The following ITPR2 variants were observed in gnomAD, a reference collection of about 807,000 sequenced individuals.
ITPR2 encodes inositol 1,4,5-trisphosphate-gated calcium channel ITPR2.
Under a neutral mutation model 317.1 loss-of-function variants are expected in ITPR2, and 207 were observed. The observed-to-expected ratio is 0.65, with a 90% confidence interval of 0.58 to 0.73. The LOEUF (loss-of-function observed/expected upper bound fraction) is 0.73, where lower values mean the gene tolerates loss of function less well. Among genes scored for constraint, ITPR2 ranks in the 30% least tolerant of loss-of-function variants. The pLI is 0.00. For synonymous variants in ITPR2, 1,156 were observed against 1,149.1 expected, an observed-to-expected ratio of 1.01 and a Z score of -0.12; for missense variants, 2,613 against 3,284.0, an observed-to-expected ratio of 0.80 and a Z score of 4.99.
intron 10 of ITPR2, among the ~76,000 whole-genome samples, chr12:26,688,261 G>A (rs11048650): frequency 2.0e-5 from 3 of 152,008 alleles, no homozygotes; most frequent in South Asian, 2.1e-4. Context: ...GGCTGGTCTC[G>A]AACTCTTGAG....
chr12:26,369,143 T>C (rs747985017), intron 55 of ITPR2, among the ~76,000 whole-genome samples: 1 of 152,148 alleles, frequency 6.6e-6, no homozygotes, highest in Non-Finnish European at 1.5e-5. Context: ...CTGGAGCCTA[T>C]GAATGGGAGG....
At chr12:26,447,961 A>G (rs1466385511) in intron 45 of ITPR2, among the ~76,000 whole-genome samples, 1 of 150,348 alleles carries the variant, frequency 6.7e-6, no homozygotes, top group East Asian at 1.9e-4. Flanking sequence ...TATCTACTCC[A>G]CAGTTTTATA....
At chr12:26,584,597 G>A (rs1263954399) in intron 32 of ITPR2, among the ~76,000 whole-genome samples, 1 of 152,120 alleles carries the variant, frequency 6.6e-6, no homozygotes, top group Admixed American at 6.5e-5. Context: ...CGGTCCTACA[G>A]AACTTCCTAT....
intron 21 of ITPR2, among the ~76,000 whole-genome samples, chr12:26,634,746 G>T (rs757617447): frequency 1.3e-5 from 2 of 151,870 alleles, no homozygotes; most frequent in South Asian, 2.1e-4. Flanking sequence ...CTAGCCGGGC[G>T]TGCTTGTGGG....
chr12:26,567,950 T>TG (rs1230823190), intron 34 of ITPR2, among the ~76,000 whole-genome samples: 1 of 112,210 alleles, frequency 8.9e-6, no homozygotes. Flanking sequence ...TATATATATA[T>TG]TATATATATA....
Position 26,428,001 on chromosome 12 carries a change from C to T in ITPR2, c.6857G>A (p.Gly2286Asp). 2 of 1,612,502 alleles carry T rather than the reference C, an allele frequency of 1.2e-6. No homozygotes were observed. The highest frequency in any genetic ancestry group is 1.7e-6 in the Non-Finnish European group (2 of 1,179,184). Residue 2286 changes from glycine (G) to aspartate (D), a missense_variant, in exon 49 of 57, where the codon GGT becomes GAT. Physicochemically the swap from Gly to Asp is moderately conservative, Grantham distance 94 (BLOSUM62 -1). Transcript: ENST00000381340. ...SMLFFFSKPVGIRPFLVSIML... is the reference protein window; with the variant it reads ...SMLFFFSKPVDIRPFLVSIML... ...TATTGATACAAGAAACGGCCGAATA[C>T]CCACAGGCTTGGAGAAGAAAAACAG... is the stretch of plus-strand genomic sequence containing the variant.
intron 55 of ITPR2, among the ~76,000 whole-genome samples, chr12:26,350,981 C>A (rs1187039222): frequency 1.3e-5 from 2 of 152,186 alleles, no homozygotes; most frequent in Non-Finnish European, 2.9e-5. Flanking sequence ...GAGGGAGTGA[C>A]CCAGGACTGG....
chr12:26,601,857 A>C (rs1393048866), intron 28 of ITPR2, among the ~76,000 whole-genome samples: 1 of 152,188 alleles, frequency 6.6e-6, no homozygotes, highest in Non-Finnish European at 1.5e-5. Flanking sequence ...GTGCACCAAC[A>C]AATAGGAAGC....
At chr12:26,454,049 T>C (rs1055779307) in intron 45 of ITPR2, among the ~76,000 whole-genome samples, 2 of 152,062 alleles carry the variant, frequency 1.3e-5, no homozygotes, top group African/African-American at 4.8e-5. Context: ...GATGGACGGA[T>C]GGATGGATGG....
intron 41 of ITPR2, among the ~76,000 whole-genome samples, chr12:26,485,258 G>A (rs913817313): frequency 1.3e-5 from 2 of 151,972 alleles, no homozygotes. Context: ...ATTATTTAAC[G>A]TGTTTATTTG....
intron 1 of ITPR2, among the ~76,000 whole-genome samples, chr12:26,822,122 A>C (rs1354300616): frequency 1.3e-5 from 2 of 152,200 alleles, no homozygotes; most frequent in Non-Finnish European, 2.9e-5. Context: ...TTCACTAAAA[A>C]TCTAAGTTTT....
intron 55 of ITPR2, among the ~76,000 whole-genome samples, chr12:26,343,055 G>A (rs547365744): frequency 6.6e-5 from 10 of 152,130 alleles, no homozygotes; most frequent in South Asian, 4.2e-4. Flanking sequence ...ATATTTTGAC[G>A]CAGCACAAAA....
At chr12:26,782,508 TA>T (rs753726836) in intron 2 of ITPR2, among the ~76,000 whole-genome samples, 6 of 152,206 alleles carry the variant, frequency 3.9e-5, no homozygotes, top group Non-Finnish European at 5.9e-5. Context: ...AATGTGGCTT[TA>T]TACGACTAAC....
intron 37 of ITPR2, among the ~76,000 whole-genome samples, chr12:26,514,591 C>T (rs992684548): frequency 3.3e-5 from 5 of 152,108 alleles, no homozygotes; most frequent in African/African-American, 7.2e-5. Context: ...TTACATAACC[C>T]GCTACTATCA....
intron 55 of ITPR2, among the ~76,000 whole-genome samples, chr12:26,353,589 A>G (rs1938545834): frequency 6.6e-6 from 1 of 152,244 alleles, no homozygotes; most frequent in African/African-American, 2.4e-5. Flanking sequence ...CTGAGGTTCA[A>G]ATAATACAAC....
intron 45 of ITPR2, among the ~76,000 whole-genome samples, chr12:26,451,365 T>TCTCACACA (rs368381589): frequency 1.5e-5 from 2 of 136,324 alleles, no homozygotes; most frequent in East Asian, 2.1e-4. Context: ...TTCTCTCATA[T>TCTCACACA]CACACACACA....
chr12:26,583,174 T>C (rs559785190), intron 32 of ITPR2, among the ~76,000 whole-genome samples: 1 of 152,304 alleles, frequency 6.6e-6, no homozygotes, highest in South Asian at 2.1e-4. Flanking sequence ...GCTATACCAG[T>C]AAATTATAAT....
chr12:26,586,079 C>A (rs930431339), intron 32 of ITPR2, among the ~76,000 whole-genome samples: 1 of 151,980 alleles, frequency 6.6e-6, no homozygotes, highest in South Asian at 2.1e-4. Context: ...CATATAAGTT[C>A]TTCATGTGAT....
chr12:26,397,361 A>C (rs773747458), intron 54 of ITPR2, among the ~76,000 whole-genome samples: 2 of 151,516 alleles, frequency 1.3e-5, no homozygotes, highest in Non-Finnish European at 2.9e-5. Context: ...TTGATCTGGC[A>C]ACCTCTCCCT....
Sources: gnomAD v4.1 joint callset for allele counts (sites outside exome capture counted in the v4.1 genomes callset) on GRCh38, gnomAD v4.1.1 for gene constraint, MANE v1.5 for transcripts, NCBI Gene and HGNC (gene_info 2026-07-23, HGNC 2026-07-21) for gene names.